AFF3: variants seen among roughly 807,000 people sequenced by gnomAD.
AFF3 encodes the protein AF4/FMR2 family member 3.
In AFF3, 32 loss-of-function variants were observed where a neutral mutation model predicts 129.7. The ratio of observed to expected loss-of-function variants is 0.25; its 90% CI spans 0.19 to 0.33. The LOEUF is 0.33. Ranked by LOEUF, AFF3 falls within the 10% of genes least tolerant of loss-of-function variation. AFF3 has a pLI of 1.00. For synonymous variants in AFF3, 644 were observed against 635.4 expected (o/e 1.01, Z -0.20); for missense variants, 1,373 against 1,592.0 (o/e 0.86, Z 2.34).
intron 15 of AFF3, among the ~76,000 whole-genome samples, chr2:99,591,926 G>C (rs1475389227): frequency 6.6e-6 from 1 of 152,178 alleles, no homozygotes; most frequent in African/African-American, 2.4e-5. Flanking sequence ...AGGATGAAAT[G>C]ATTTAACATG....
At chr2:99,901,479 T>C (rs1450692426) in intron 7 of AFF3, among the ~76,000 whole-genome samples, 8 of 152,162 alleles carry the variant, frequency 5.3e-5, no homozygotes, top group Non-Finnish European at 1.0e-4. Context: ...CCTCCACTTA[T>C]AAGAAACTCA....
chr2:100,080,967 C>T (rs1402778982), intron 4 of AFF3, among the ~76,000 whole-genome samples: 4 of 152,162 alleles, frequency 2.6e-5, no homozygotes, highest in Admixed American at 1.3e-4. Flanking sequence ...AAGCAAGGTT[C>T]AGAAACCAGC....
At chr2:100,005,129 T>G (rs946542321) in intron 7 of AFF3, among the ~76,000 whole-genome samples, 3 of 152,144 alleles carry the variant, frequency 2.0e-5, no homozygotes, top group African/African-American at 7.2e-5. Context: ...CTTTCCAATC[T>G]GAGTCCTCAA....
intron 4 of AFF3, among the ~76,000 whole-genome samples, chr2:100,084,668 A>G (rs1232606743): frequency 6.6e-6 from 1 of 152,076 alleles, no homozygotes; most frequent in Admixed American, 6.6e-5. Context: ...TCGTTTAAAA[A>G]TAAGTTAAAT....
intron 2 of AFF3, among the ~76,000 whole-genome samples, chr2:100,118,968 T>C (rs1691841662): frequency 6.6e-6 from 1 of 151,922 alleles, no homozygotes; most frequent in Non-Finnish European, 1.5e-5. Flanking sequence ...ACCCAGCTAA[T>C]TTTTGTATTT....
chr2:100,105,746 G>A, intron 2 of AFF3, 163 bp from the exon 3 acceptor site: 1 of 1,362,632 alleles, frequency 7.3e-7, no homozygotes, highest in Non-Finnish European at 9.8e-7. Flanking sequence ...GCCTAGAACC[G>A]GAAGCCCCTC....
intron 4 of AFF3, among the ~76,000 whole-genome samples, chr2:100,085,186 TA>T (rs535297105): frequency 1.6e-3 from 186 of 119,442 alleles, no homozygotes; most frequent in South Asian, 7.6e-3. Context: ...TTCTTAAAAC[TA>T]AAAAAAAAAA....
intron 13 of AFF3, among the ~76,000 whole-genome samples, chr2:99,646,334 G>T (rs17022834): frequency 0.067 from 10,229 of 152,230 alleles, 433 homozygotes; most frequent in East Asian, 0.12. Context: ...CCTCCATGAG[G>T]AACCAGTGTG....
At chr2:99,965,657 T>C (rs1249138713) in intron 7 of AFF3, among the ~76,000 whole-genome samples, 1 of 152,244 alleles carries the variant, frequency 6.6e-6, no homozygotes, top group Non-Finnish European at 1.5e-5. Flanking sequence ...TTTCACATGT[T>C]TGTCGTATTA....
intron 1 of AFF3, among the ~76,000 whole-genome samples, chr2:100,131,630 T>C (rs921098967): frequency 6.6e-6 from 1 of 152,036 alleles, no homozygotes; most frequent in African/African-American, 2.4e-5. Context: ...CGGCTAATTT[T>C]TGTATTTTTA....
At chr2:99,743,986 T>A in intron 10 of AFF3, 118 bp downstream of exon 10, 1 of 852,252 alleles carries the variant, frequency 1.2e-6, no homozygotes, top group Non-Finnish European at 1.8e-6. Flanking sequence ...TTTCCCCAGT[T>A]TTTTAGTGAA....
chr2:99,678,069 G>C (rs1674170632), intron 11 of AFF3, among the ~76,000 whole-genome samples: 1 of 152,164 alleles, frequency 6.6e-6, no homozygotes, highest in Non-Finnish European at 1.5e-5. Flanking sequence ...TGTCTCCCAG[G>C]GGTGGTTCCC....
At chr2:99,973,447 G>C (rs1678583356) in intron 7 of AFF3, among the ~76,000 whole-genome samples, 1 of 152,216 alleles carries the variant, frequency 6.6e-6, no homozygotes, top group African/African-American at 2.4e-5. Context: ...AGTCAATTCA[G>C]AGTATTTCCC....
intron 7 of AFF3, among the ~76,000 whole-genome samples, chr2:99,902,220 T>C (rs1694392783): frequency 6.6e-6 from 1 of 152,018 alleles, no homozygotes; most frequent in Non-Finnish European, 1.5e-5. Flanking sequence ...ATAAATAATT[T>C]ATAGCCCTGT....
chr2:99,647,494 G>C (rs1186191675), intron 13 of AFF3, among the ~76,000 whole-genome samples: 1 of 152,172 alleles, frequency 6.6e-6, no homozygotes, highest in African/African-American at 2.4e-5. Flanking sequence ...TGAGGTGTCA[G>C]GGGAGGGATA....
intron 7 of AFF3, among the ~76,000 whole-genome samples, chr2:99,895,593 G>A (rs1693875870): frequency 1.3e-5 from 2 of 152,050 alleles, no homozygotes; most frequent in Admixed American, 6.5e-5. Flanking sequence ...GCTGACCTCT[G>A]ACACTGCAAA....
chr2:99,665,238 G>T (rs1219231171), intron 12 of AFF3, among the ~76,000 whole-genome samples: 5 of 152,232 alleles, frequency 3.3e-5, no homozygotes, highest in African/African-American at 1.2e-4. Context: ...TACTTGATCT[G>T]ATTTTTAAAA....
At chr2:99,947,495 AAAAGAAAGAAAGAAAAAGAGAGAGAGAG>A (rs566844342) in intron 7 of AFF3, among the ~76,000 whole-genome samples, 23,076 of 145,978 alleles carry the variant, frequency 0.16, 2,409 homozygotes, top group African/African-American at 0.26. Context: ...CAGAAAAAGA[AAAAGAAAGAAAGAAAAAGAGAGAGAGAG>A]AAAGAAAGAA....
At chr2:100,092,859 T>G (rs558169527) in intron 4 of AFF3, among the ~76,000 whole-genome samples, 27 of 151,560 alleles carry the variant, frequency 1.8e-4, no homozygotes, top group Admixed American at 9.8e-4. Context: ...TCCACAGGAT[T>G]TGGGGCAGGT....
Sources: allele counts gnomAD v4.1 joint callset (sites outside exome capture counted in the v4.1 genomes callset), GRCh38; gene constraint gnomAD v4.1.1; transcripts MANE v1.5; gene names NCBI Gene and HGNC (gene_info 2026-07-23, HGNC 2026-07-21).